The following TGM7 variants were observed in gnomAD, a reference collection of about 807,000 sequenced individuals.
TGM7 encodes transglutaminase 7, also known as protein-glutamine gamma-glutamyltransferase Z.
Under a neutral mutation model 79.5 loss-of-function variants are expected in TGM7, and 74 were observed. The observed-to-expected ratio is 0.93, with a 90% CI of 0.77 to 1.13. The LOEUF is 1.13. TGM7 is among the 50% of genes most tolerant of loss of function. TGM7 has a pLI of 0.00. For synonymous variants in TGM7, 354 were observed against 362.5 expected, an observed-to-expected ratio of 0.98 and a Z score of 0.27; for missense variants, 912 against 905.9, an observed-to-expected ratio of 1.01 and a Z score of -0.09.
rs532979358 is a variant in TGM7 at position 43,291,985 on chromosome 15, G to A, written c.552C>T (p.Tyr184=). Residue 184 remains tyrosine, a synonymous_variant, in exon 4 of 13, where the codon TAC becomes TAT. Transcript: ENST00000452443. ...CATTGGGTAATAGTGTTACCTGCCC[G>A]TAGTTCCAGGGCCAGGAGGTGATGA... is the stretch of plus-strand genomic sequence containing the variant. ...ERFITSWPWN[Y]GQFEEDIIDI... 2.0e-5 allele frequency: 33 copies of A among 1,612,340 alleles called. No homozygotes were observed. Among genetic ancestry groups the A allele is most frequent in the East Asian group, 1.3e-4 (6 of 44,874 alleles).
intron 1 of TGM7, 184 bp downstream of exon 1, chr15:43,302,057 G>T: frequency 1.5e-6 from 1 of 680,590 alleles, no homozygotes. Flanking sequence ...AATGGCTGTA[G>T]GATTTGTGCC....
At chr15:43,283,621 G>T (rs1319592246) in intron 7 of TGM7, among the ~76,000 whole-genome samples, 1 of 152,156 alleles carries the variant, frequency 6.6e-6, no homozygotes, top group Non-Finnish European at 1.5e-5. Flanking sequence ...CCCATTTTGG[G>T]CTTGTCTGAT....
chr15:43,277,211 A>C (rs1435425846), intron 11 of TGM7, among the ~76,000 whole-genome samples: 1 of 152,172 alleles, frequency 6.6e-6, no homozygotes, highest in Non-Finnish European at 1.5e-5. Context: ...AGCCACCACC[A>C]ATCAGCAGTT....
rs779379999 is a variant in TGM7 at position 43,279,738 on chromosome 15, C to T, written c.1565G>A (p.Arg522Gln). 3.1e-5 allele frequency: 50 copies of T among 1,613,902 alleles called. No individual in the cohort carries two copies. Among genetic ancestry groups the T allele is most frequent in the Middle Eastern group, 1.6e-4 (1 of 6,084 alleles). The change falls in exon 10 of 13, where the codon CGG (arginine) becomes CAG (glutamine). Residue 522 changes from arginine (R) to glutamine (Q), a missense_variant. Arg to Gln is a conservative substitution (Grantham distance 43, BLOSUM62 1). Transcript: ENST00000452443. ...IQRVPDSTHP[R>Q]GPIGLVVRFC... ...GCGCACCACCAGTCCGATGGGCCCC[C>T]GAGGGTGGGTGCTGTCTGGCACCCT...
intron 7 of TGM7, among the ~76,000 whole-genome samples, chr15:43,283,825 T>C (rs1438030286): frequency 2.0e-5 from 3 of 152,208 alleles, no homozygotes; most frequent in Admixed American, 2.0e-4. Flanking sequence ...GTGAAGTAGA[T>C]GTTATCTTCA....
intron 2 of TGM7, among the ~76,000 whole-genome samples, 173 bp from the exon 3 acceptor site, chr15:43,293,127 T>C (rs559634720): frequency 2.0e-5 from 3 of 152,314 alleles, no homozygotes; most frequent in African/African-American, 7.2e-5. Flanking sequence ...CTCCGTTTTT[T>C]AATCTGTTAA....
chr15:43,276,596 G>A lies in TGM7; in HGVS notation c.1992C>T (p.Ala664=), dbSNP rs59900401. Residue 664 remains alanine, a synonymous_variant, in exon 13 of 13, where the codon GCC becomes GCT. Transcript: ENST00000452443. ...CCAGTTGAATTTGGAGGGTGTGTCCGGCCACCAGAGTCCCAAGGCTGAAAG... is the reference window on the plus strand; with the variant it reads ...CCAGTTGAATTTGGAGGGTGTGTCCAGCCACCAGAGTCCCAAGGCTGAAAG... ...QIAKDLGTLV[A]GHTLQIQLDL... 8.4e-3 allele frequency: 13,629 copies of A among 1,613,460 alleles called. 537 individuals are homozygous for A. In the African/African-American group the frequency reaches 0.099, roughly 12 times the overall value.
chr15:43,292,098 C>T lies in TGM7; in HGVS notation c.440-1G>A, dbSNP rs747618048. 1.5e-5 allele frequency: 24 copies of T among 1,612,548 alleles called. No individual in the cohort carries two copies. Among genetic ancestry groups the T allele is most frequent in the Non-Finnish European group, 2.0e-5 (24 of 1,178,836 alleles). On this transcript the variant is annotated splice_acceptor_variant, in intron 3 of 12. Coordinates refer to ENST00000452443, the MANE Select transcript of TGM7 (RefSeq NM_052955.3). LOFTEE classifies it high-confidence loss of function. ...TCACTTGGCAGGTAGACGTCGTCCT[C>T]TGAGCAGTTAAGAGTAGTGGAGGGG...
In TGM7 at chr15:43,279,660, C is replaced by T; in HGVS notation, c.1643G>A (p.Arg548Lys). ...GTCCAGGTTCATCCGCACTGTGTGC[C>T]TCCAGAAGGGCTTCTGGGTACCACC... is the stretch of plus-strand genomic sequence containing the variant. Reference protein sequence around the residue: ...HGGGTQKPFWRHTVRMNLDFG... With the variant: ...HGGGTQKPFWKHTVRMNLDFG... Residue 548 changes from arginine to lysine, a missense_variant, in exon 10 of 13, where the codon AGG becomes AAG. Physicochemically the swap from Arg to Lys is conservative, Grantham distance 26. Coordinates refer to ENST00000452443, the MANE Select transcript of TGM7 (RefSeq NM_052955.3). 1 of 1,610,356 alleles carries T rather than the reference C, an allele frequency of 6.2e-7. No individual in the cohort carries two copies. Among genetic ancestry groups the T allele is most frequent in the Non-Finnish European group, 8.5e-7 (1 of 1,177,896 alleles).
intron 1 of TGM7, among the ~76,000 whole-genome samples, chr15:43,296,323 G>C (rs1216401531): frequency 1.3e-5 from 2 of 151,876 alleles, no homozygotes; most frequent in African/African-American, 4.8e-5. Flanking sequence ...TACTCAGGAG[G>C]CTGAGGCAGG....
At chr15:43,278,581 T>G (rs190516377) in intron 11 of TGM7, among the ~76,000 whole-genome samples, 181 of 152,280 alleles carry the variant, frequency 1.2e-3, no homozygotes, top group African/African-American at 4.3e-3. Flanking sequence ...CTCCTGAGTA[T>G]CTGGGACTAG....
At position 43,279,170 on chromosome 15, in the gene TGM7, A is replaced by T. The variant is rs1427660516; in HGVS notation, c.1786T>A (p.Ser596Thr). ...GIAEVEETGR[S>T]MLVLKDICLE... ...CAGATATCTTTTAGGACCAGCATGGACCTCCCTGTCTCTTCAACCTCCGCG... is the reference window on the plus strand; with the variant it reads ...CAGATATCTTTTAGGACCAGCATGGTCCTCCCTGTCTCTTCAACCTCCGCG... Residue 596 changes from serine to threonine, a missense_variant, in exon 11 of 13, where the codon TCC (serine) becomes ACC (threonine). Ser to Thr is a moderately conservative substitution (Grantham distance 58). Transcript: ENST00000452443. 6 of 1,613,788 alleles carry T rather than the reference A, an allele frequency of 3.7e-6. No homozygotes were observed. In the South Asian group the frequency reaches 6.6e-5, roughly 18 times the overall value.
At chr15:43,278,862 T>C (rs2042890910) in intron 11 of TGM7, among the ~76,000 whole-genome samples, 3 of 152,266 alleles carry the variant, frequency 2.0e-5, no homozygotes, top group African/African-American at 7.2e-5. Flanking sequence ...AATGATTTCC[T>C]TACTTAAAAT....
chr15:43,288,509 C>T (rs1442706463), intron 4 of TGM7, among the ~76,000 whole-genome samples: 6 of 150,936 alleles, frequency 4.0e-5, no homozygotes, highest in African/African-American at 7.3e-5. Context: ...TTTTTTTTTC[C>T]GTTACAATCA....
chr15:43,286,333 G>A (rs922509213), intron 6 of TGM7, among the ~76,000 whole-genome samples: 1 of 152,138 alleles, frequency 6.6e-6, no homozygotes, highest in African/African-American at 2.4e-5. Flanking sequence ...TCCTTCTCCT[G>A]CTCATCCCAG....
At chr15:43,302,088 G>A (rs2043027960) in intron 1 of TGM7, 153 bp downstream of exon 1, 2 of 843,048 alleles carry the variant, frequency 2.4e-6, no homozygotes, top group African/African-American at 1.7e-5. Context: ...AATGCAGATG[G>A]AGAAGTAAGA....
chr15:43,297,964 C>G (rs556281345), intron 1 of TGM7, among the ~76,000 whole-genome samples: 30 of 152,228 alleles, frequency 2.0e-4, no homozygotes, highest in Non-Finnish European at 2.5e-4. Context: ...TAGAAAGGAG[C>G]CTGGTGCCTA....
rs116214060 is a variant in TGM7, at chr15:43,288,140, T to A, written c.559-471A>T. ...AATGTAGGGCCACACGTGCCAGTCTTGAAATCAGGTAGAGGAGCTCAGAGC... is the reference window on the plus strand; with the variant it reads ...AATGTAGGGCCACACGTGCCAGTCTAGAAATCAGGTAGAGGAGCTCAGAGC... On this transcript the variant is annotated intron_variant, in intron 4 of 12. Transcript: ENST00000452443. Among the ~76,000 whole-genome samples, 652 of 152,262 alleles carry A rather than the reference T, an allele frequency of 4.3e-3. 9 individuals are homozygous for A. The highest frequency in any genetic ancestry group is 0.015 in the African/African-American group (629 of 41,538).
chr15:43,284,398 G>A (rs1001929546), intron 7 of TGM7, among the ~76,000 whole-genome samples: 3 of 152,028 alleles, frequency 2.0e-5, no homozygotes, highest in African/African-American at 7.3e-5. Context: ...ATGCAGACAG[G>A]GAGTGGGTTG....
Sources: allele counts gnomAD v4.1 joint callset (sites outside exome capture counted in the v4.1 genomes callset), GRCh38; gene constraint gnomAD v4.1.1; transcripts MANE v1.5; gene names NCBI Gene and HGNC (gene_info 2026-07-23, HGNC 2026-07-21).